DNAJC3: variants seen among roughly 807,000 people sequenced by gnomAD.
DNAJC3 encodes the protein dnaJ homolog subfamily C member 3.
In DNAJC3, 38 loss-of-function variants were observed where a neutral mutation model predicts 68.6. The ratio of observed to expected loss-of-function variants is 0.55; its 90% confidence interval spans 0.43 to 0.73. The LOEUF (loss-of-function observed/expected upper bound fraction) is 0.73. Among genes scored for constraint, DNAJC3 ranks in the 30% least tolerant of loss-of-function variants. DNAJC3 has a pLI of 0.00. For missense variants in DNAJC3, 526 were observed against 591.9 expected (o/e 0.89, Z 1.16); for synonymous variants, 203 against 204.0 (o/e 1.00, Z 0.04).
chr13:95,760,005 T>C, intron 5 of DNAJC3, 35 bp from the exon 6 acceptor site: 2 of 1,516,832 alleles, frequency 1.3e-6, no homozygotes, highest in Non-Finnish European at 1.8e-6. Context: ...GCATAATTTA[T>C]TCTTTCTTAA....
intron 1 of DNAJC3, among the ~76,000 whole-genome samples, 154 bp downstream of exon 1, chr13:95,677,491 C>G (rs1014740899): frequency 3.9e-5 from 6 of 152,216 alleles, no homozygotes; most frequent in Admixed American, 3.3e-4. Context: ...AGCCCGCGCC[C>G]GGTTCCGGGT....
chr13:95,747,670 G>A (rs1302614184), intron 4 of DNAJC3, among the ~76,000 whole-genome samples: 1 of 152,198 alleles, frequency 6.6e-6, no homozygotes, highest in African/African-American at 2.4e-5. Context: ...TCTGAAGAAT[G>A]GATTGGAATA....
At chr13:95,738,108 T>C in intron 4 of DNAJC3, among the ~76,000 whole-genome samples, 1 of 149,718 alleles carries the variant, frequency 6.7e-6, no homozygotes, top group Non-Finnish European at 1.5e-5. Flanking sequence ...AGCAGGTTGT[T>C]CGGTTTCCAT....
At chr13:95,735,268 C>T (rs1468998429) in intron 4 of DNAJC3, among the ~76,000 whole-genome samples, 1 of 117,484 alleles carries the variant, frequency 8.5e-6, no homozygotes, top group Non-Finnish European at 1.7e-5. Context: ...GTGAATAATG[C>T]CGCAATAAAC....
rs1002722840 is a variant in DNAJC3, at chr13:95,677,199, C to G, written c.-57C>G. 7 of 1,527,400 alleles carry G rather than the reference C, an allele frequency of 4.6e-6. No individual in the cohort carries two copies. The Admixed American group carries it at 9.2e-5, about 20-fold the overall frequency. 94.6% of individuals were successfully genotyped at this position (1,527,400 alleles called of 1,614,324 possible). ...GCGGGCGCAGCTGCTGCCGGAGCGC[C>G]GGCGCGTGCTGGTGGGCCACACACC... On this transcript the variant is annotated 5_prime_UTR_variant, in exon 1 of 12. Transcript: ENST00000602402.
At chr13:95,739,433 C>G (rs1311079378) in intron 4 of DNAJC3, among the ~76,000 whole-genome samples, 9 of 151,272 alleles carry the variant, frequency 5.9e-5, no homozygotes, top group African/African-American at 2.2e-4. Context: ...CAACTTGGTT[C>G]CATTCTCCCC....
intron 1 of DNAJC3, 107 bp downstream of exon 1, chr13:95,677,444 C>A: frequency 1.7e-6 from 2 of 1,191,500 alleles, no homozygotes; most frequent in Non-Finnish European, 2.3e-6. Flanking sequence ...GGAGGTGGGG[C>A]GAGCGCTGGG....
rs1594763626 is a variant in DNAJC3 at position 95,677,160 on chromosome 13, A to G, written c.-96A>G. 1 of 1,171,452 alleles carries G rather than the reference A, an allele frequency of 8.5e-7. No homozygotes were observed. The highest frequency in any genetic ancestry group is 1.2e-6 in the Non-Finnish European group (1 of 834,454). The allele number at this position is 1,171,452 out of a possible 1,614,324, so 72.6% of individuals were successfully genotyped here. A position where few individuals can be genotyped will look rare whatever the true frequency, so the allele number is the denominator to read the frequency against. On this transcript the variant is annotated 5_prime_UTR_variant, in exon 1 of 12. Coordinates refer to ENST00000602402, the MANE Select transcript of DNAJC3 (RefSeq NM_006260.5). ...CTCCAGAGCCACTGAGGCCTGAGCG[A>G]GAGCCGACGGCGGGCGGGCGCAGCT...
At chr13:95,708,644 C>T (rs1000073497) in intron 1 of DNAJC3, among the ~76,000 whole-genome samples, 30 of 152,284 alleles carry the variant, frequency 2.0e-4, no homozygotes, top group African/African-American at 6.5e-4. Flanking sequence ...TTATTTGCTA[C>T]TCTAAGTCCC....
chr13:95,709,458 T>C lies in DNAJC3; in HGVS notation c.193+121T>C. The C allele has an allele frequency of 4.2e-6, 3 of 719,334 alleles. No individual in the cohort carries two copies. In the South Asian group the frequency reaches 6.5e-5, roughly 16 times the overall value. 44.6% of individuals were successfully genotyped at this position (719,334 alleles called of 1,614,324 possible). The stretch of plus-strand genomic sequence containing the variant: ...CATGTTTAAATAAAACATTTAAATA[T>C]ATTTGTGGGATTCTGAGCGAAATAG... On this transcript the variant is annotated intron_variant, in intron 2 of 11. Coordinates refer to ENST00000602402, the MANE Select transcript of DNAJC3 (RefSeq NM_006260.5).
chr13:95,766,191 A>G (rs1004586381), intron 9 of DNAJC3, among the ~76,000 whole-genome samples: 6 of 152,196 alleles, frequency 3.9e-5, no homozygotes, highest in African/African-American at 1.4e-4. Context: ...AAGTGATGGC[A>G]GGTACATAAT....
At chr13:95,769,639 G>T (rs1227932993) in intron 9 of DNAJC3, among the ~76,000 whole-genome samples, 1 of 152,222 alleles carries the variant, frequency 6.6e-6, no homozygotes, top group Non-Finnish European at 1.5e-5. Context: ...TGCAAAGACA[G>T]TCAGTGGGAT....
At chr13:95,779,598 T>C (rs1883394342) in intron 9 of DNAJC3, among the ~76,000 whole-genome samples, 1 of 152,194 alleles carries the variant, frequency 6.6e-6, no homozygotes, top group South Asian at 2.1e-4. Flanking sequence ...TTGTCCTCTT[T>C]CTTGTTTTGT....
chr13:95,794,402 C>A lies in DNAJC3; in HGVS notation c.*3372C>A, dbSNP rs1319369095. On this transcript the variant is annotated 3_prime_UTR_variant, in exon 12 of 12. Transcript: ENST00000602402. ...CTGGTGATGGGCGTTGCAAAGTTTTCACTGAGCACACAGCAATGGTATCAC... is the reference window on the plus strand; with the variant it reads ...CTGGTGATGGGCGTTGCAAAGTTTTAACTGAGCACACAGCAATGGTATCAC... 2.6e-5 allele frequency: 4 copies of A among 152,212 alleles called. No homozygotes were observed. The highest frequency in any genetic ancestry group is 5.9e-5 in the Non-Finnish European group (4 of 68,032). 9.4% of individuals were successfully genotyped at this position (152,212 alleles called of 1,614,324 possible). A position where few individuals can be genotyped will look rare whatever the true frequency, so the allele number is the denominator to read the frequency against.
rs1555323373 is a variant in DNAJC3 at position 95,704,852 on chromosome 13, T to TTTTTTTTTG, written c.83-4367_83-4366insGTTTTTTTT. Among the ~76,000 whole-genome samples, 391 of 121,462 alleles carry TTTTTTTTTG rather than the reference T, an allele frequency of 3.2e-3. 8 individuals carry two copies. The highest frequency in any genetic ancestry group is 0.014 in the African/African-American group (371 of 25,788). 79.7% of individuals were successfully genotyped at this position (121,462 alleles called of 152,430 possible). A position where few individuals can be genotyped will look rare whatever the true frequency, so the allele number is the denominator to read the frequency against. The stretch of plus-strand genomic sequence containing the variant: ...GAAAGGACTAATCTGTGTGTGTGTG[T>TTTTTTTTTG]TTTTTTTTTTTTTTTTTGAGACAGA... On this transcript the variant is annotated intron_variant, in intron 1 of 11. Coordinates refer to ENST00000602402, the MANE Select transcript of DNAJC3 (RefSeq NM_006260.5).
At chr13:95,679,731 T>C (rs1308034449) in intron 1 of DNAJC3, among the ~76,000 whole-genome samples, 2 of 152,234 alleles carry the variant, frequency 1.3e-5, no homozygotes, top group African/African-American at 4.8e-5. Flanking sequence ...TCTGCTTCAC[T>C]CTTATTAATC....
intron 1 of DNAJC3, among the ~76,000 whole-genome samples, chr13:95,707,825 G>T (rs9561936): frequency 0.43 from 66,050 of 151,982 alleles, 14,507 homozygotes; most frequent in Middle Eastern, 0.51. Flanking sequence ...GGGGTTTAGA[G>T]CTTATTGGAG....
In DNAJC3 at chr13:95,691,732, G is replaced by A. The variant is rs950400565; in HGVS notation, c.82+14395G>A. Among the ~76,000 whole-genome samples the A allele has an allele frequency of 1.3e-3, 192 of 152,296 alleles. 1 individual carries two copies. The highest frequency in any genetic ancestry group is 4.3e-3 in the African/African-American group (180 of 41,562). On this transcript the variant is annotated intron_variant, in intron 1 of 11. Coordinates refer to ENST00000602402, the MANE Select transcript of DNAJC3 (RefSeq NM_006260.5). ...TGGGAGGTGGAGGTTGTAGCGAGCC[G>A]AGATCACGCCACTGCACTCCAGCCT...
chr13:95,785,345 G>T (rs1329065515), intron 9 of DNAJC3, among the ~76,000 whole-genome samples: 1 of 151,794 alleles, frequency 6.6e-6, no homozygotes, highest in African/African-American at 2.4e-5. Flanking sequence ...TACCCAGAGG[G>T]TATGGGGAGA....
Sources: gnomAD v4.1 joint callset for allele counts (sites outside exome capture counted in the v4.1 genomes callset) on GRCh38, gnomAD v4.1.1 for gene constraint, MANE v1.5 for transcripts, NCBI Gene and HGNC (gene_info 2026-07-23, HGNC 2026-07-21) for gene names.